The following RREB1 variants were observed in gnomAD, a reference collection of about 807,000 sequenced individuals.
RREB1 encodes the protein ras-responsive element-binding protein 1.
In RREB1, 27 loss-of-function variants were observed where a neutral mutation model predicts 117.8. The observed-to-expected ratio is 0.23, with a 90% CI of 0.17 to 0.32. The LOEUF (loss-of-function observed/expected upper bound fraction) is 0.32. Among genes scored for constraint, RREB1 ranks in the 10% least tolerant of loss-of-function variants. The pLI is 1.00. For missense variants in RREB1, 2,577 were observed against 2,378.2 expected, an observed-to-expected ratio of 1.08 and a Z score of -1.74; for synonymous variants, 1,298 against 1,026.7, an observed-to-expected ratio of 1.26 and a Z score of -5.05.
chr6:7,165,098 G>C (rs950122132), intron 1 of RREB1, among the ~76,000 whole-genome samples: 2 of 152,246 alleles, frequency 1.3e-5, no homozygotes, highest in African/African-American at 4.8e-5. Context: ...GAGGCACAAG[G>C]AGTGCTATCC....
At chr6:7,222,465 C>T (rs985745971) in intron 8 of RREB1, among the ~76,000 whole-genome samples, 2 of 152,166 alleles carry the variant, frequency 1.3e-5, no homozygotes, top group African/African-American at 2.4e-5. Context: ...GCCCACATCC[C>T]CCTACCACCC....
At chr6:7,233,889 G>A (rs1768146033) in intron 10 of RREB1, among the ~76,000 whole-genome samples, 1 of 152,180 alleles carries the variant, frequency 6.6e-6, no homozygotes, top group South Asian at 2.1e-4. Flanking sequence ...GGGAGGGAGA[G>A]GAATCTGGGA....
At chr6:7,141,892 C>T (rs1481829606) in intron 1 of RREB1, among the ~76,000 whole-genome samples, 1 of 152,214 alleles carries the variant, frequency 6.6e-6, no homozygotes, top group Non-Finnish European at 1.5e-5. Flanking sequence ...ATTGCCTCTC[C>T]TTTCTAAAAG....
chr6:7,111,727 A>G (rs1464724950), intron 1 of RREB1, among the ~76,000 whole-genome samples: 2 of 152,206 alleles, frequency 1.3e-5, no homozygotes, highest in African/African-American at 4.8e-5. Flanking sequence ...ATTGAAGTTC[A>G]GTACTCTATG....
intron 6 of RREB1, among the ~76,000 whole-genome samples, chr6:7,190,292 TTTA>T (rs1335322032): frequency 6.6e-6 from 1 of 152,312 alleles, no homozygotes; most frequent in Middle Eastern, 3.4e-3. Flanking sequence ...TTTTTTTTGT[TTTA>T]TTATTTTCTT....
intron 10 of RREB1, among the ~76,000 whole-genome samples, chr6:7,236,097 A>G (rs1249161134): frequency 4.0e-5 from 6 of 151,870 alleles, no homozygotes; most frequent in East Asian, 1.9e-4. Context: ...GCGCCACTCC[A>G]TAGGAGACAA....
chr6:7,113,079 G>T (rs1484898457), intron 1 of RREB1, among the ~76,000 whole-genome samples: 1 of 152,194 alleles, frequency 6.6e-6, no homozygotes, highest in Non-Finnish European at 1.5e-5. Flanking sequence ...GAGATTGTTT[G>T]TTCAGTGTGA....
Position 7,231,578 on chromosome 6 carries a change from G to C in RREB1, c.3479G>C (p.Arg1160Thr), listed in dbSNP as rs1581577629. 6.2e-7 allele frequency: 1 copy of C among 1,611,742 alleles called. No individual in the cohort carries two copies. Among genetic ancestry groups the C allele is most frequent in the Non-Finnish European group, 8.5e-7 (1 of 1,179,378 alleles). Residue 1160 changes from arginine to threonine, a missense_variant, in exon 10 of 13, where the codon AGG (arginine) becomes ACG (threonine). Transcript: ENST00000379938. Reference sequence around the variant, plus strand: ...AAGAGGGGCCGGAAAAGGGGGATGAGGAGCCGACCCCGCGCCAACAGCGGC... The same window carrying C: ...AAGAGGGGCCGGAAAAGGGGGATGACGAGCCGACCCCGCGCCAACAGCGGC... ...SKKRGRKRGMRSRPRANSGGV... is the reference protein window; with the variant it reads ...SKKRGRKRGMTSRPRANSGGV...
chr6:7,142,438 C>T lies in RREB1; in HGVS notation c.-284-34217C>T, dbSNP rs190952820. ...CTCGGTGTCAAGTCTCCCTCCAGGA[C>T]GCAGTTTCTCGATGTTCTGTACTGG... On this transcript the variant is annotated intron_variant, in intron 1 of 12. Coordinates refer to ENST00000379938, the MANE Select transcript of RREB1 (RefSeq NM_001003699.4). Among the ~76,000 whole-genome samples, 384 of 152,330 alleles carry T rather than the reference C, an allele frequency of 2.5e-3. 2 individuals carry two copies. The highest frequency in any genetic ancestry group is 4.0e-3 in the Non-Finnish European group (269 of 68,022).
chr6:7,240,848 G>A (rs1768664018), intron 11 of RREB1, among the ~76,000 whole-genome samples: 1 of 152,178 alleles, frequency 6.6e-6, no homozygotes, highest in Non-Finnish European at 1.5e-5. Context: ...GACTCTCGGG[G>A]CTGCTAGGGA....
At chr6:7,193,419 G>T (rs1561773221) in intron 6 of RREB1, among the ~76,000 whole-genome samples, 2 of 152,106 alleles carry the variant, frequency 1.3e-5, no homozygotes. Flanking sequence ...ACTCTGCCTT[G>T]TAAGGATTGT....
chr6:7,237,048 A>G (rs1469046308), intron 10 of RREB1, among the ~76,000 whole-genome samples: 1 of 151,524 alleles, frequency 6.6e-6, no homozygotes. Flanking sequence ...TCAGCTTCCC[A>G]AGTAGCTGGG....
At chr6:7,188,043 C>T (rs993750808) in intron 5 of RREB1, among the ~76,000 whole-genome samples, 41 of 152,104 alleles carry the variant, frequency 2.7e-4, no homozygotes, top group Non-Finnish European at 2.9e-5. Context: ...GTGGCATGCA[C>T]CTGTAATCCC....
chr6:7,169,394 A>G (rs779638756), intron 1 of RREB1, among the ~76,000 whole-genome samples: 39 of 152,236 alleles, frequency 2.6e-4, no homozygotes, highest in Non-Finnish European at 8.8e-5. Context: ...CACCCAGAGT[A>G]GAGACGATAC....
At chr6:7,179,226 T>TTTTC (rs1245447851) in intron 2 of RREB1, among the ~76,000 whole-genome samples, 1 of 152,214 alleles carries the variant, frequency 6.6e-6, no homozygotes, top group African/African-American at 2.4e-5. Context: ...GAGCAAACTC[T>TTTTC]AACTCTACCA....
chr6:7,146,117 A>G (rs4960289), intron 1 of RREB1, among the ~76,000 whole-genome samples: 67,544 of 151,530 alleles, frequency 0.45, 17,431 homozygotes, highest in Middle Eastern at 0.65. Context: ...ACACACAGAT[A>G]CACACACACA....
chr6:7,196,565 C>T (rs779989275), intron 6 of RREB1, among the ~76,000 whole-genome samples: 3 of 152,000 alleles, frequency 2.0e-5, no homozygotes, highest in Non-Finnish European at 2.9e-5. Context: ...CTGATAAAGC[C>T]TATAACTTAC....
At chr6:7,142,483 G>T (rs1276051466) in intron 1 of RREB1, among the ~76,000 whole-genome samples, 1 of 152,252 alleles carries the variant, frequency 6.6e-6, no homozygotes, top group Non-Finnish European at 1.5e-5. Flanking sequence ...ACCGGTGAGG[G>T]CAGCAGGTCA....
At chr6:7,134,447 TAATC>T (rs1396712864) in intron 1 of RREB1, among the ~76,000 whole-genome samples, 6 of 152,250 alleles carry the variant, frequency 3.9e-5, no homozygotes, top group Non-Finnish European at 8.8e-5. Context: ...TGTTTTTCTT[TAATC>T]AATGTCATGT....
Sources: allele counts gnomAD v4.1 joint callset (sites outside exome capture counted in the v4.1 genomes callset), GRCh38; gene constraint gnomAD v4.1.1; transcripts MANE v1.5; gene names NCBI Gene and HGNC (gene_info 2026-07-23, HGNC 2026-07-21).